Variants in NCOA2 observed in about 807,000 individuals in gnomAD.
NCOA2 encodes the protein nuclear receptor coactivator 2.
Under a neutral mutation model 145.1 loss-of-function variants are expected in NCOA2, and 21 were observed. The observed-to-expected ratio is 0.14, with a 90% CI of 0.10 to 0.21. The LOEUF (loss-of-function observed/expected upper bound fraction) is 0.21. NCOA2 is among the 10% of genes least tolerant of loss of function. NCOA2 has a pLI of 1.00. For synonymous variants in NCOA2, 619 were observed against 637.5 expected (o/e 0.97, Z 0.44); for missense variants, 1,472 against 1,837.6 (o/e 0.80, Z 3.64).
rs1810822772 is a variant in NCOA2, at chr8:70,144,711, G to A, written c.2743C>T (p.Pro915Ser). 1.2e-6 allele frequency: 2 copies of A among 1,613,810 alleles called. No homozygotes were observed. The highest frequency in any genetic ancestry group is 1.6e-4 in the Middle Eastern group (1 of 6,084). Residue 915 changes from proline (P) to serine (S), a missense_variant, in exon 13 of 23, where the codon CCT becomes TCT. Coordinates refer to ENST00000452400, the MANE Select transcript of NCOA2 (RefSeq NM_006540.4). The part of the protein sequence containing the change: ...IRNSSPYSVI[P>S]QPGMMGNQGM... ...TGATTACCCATCATTCCTGGCTGAGGTATCACTGAGTAGGGACTACTGTTT... is the reference window on the plus strand; with the variant it reads ...TGATTACCCATCATTCCTGGCTGAGATATCACTGAGTAGGGACTACTGTTT...
intron 1 of NCOA2, among the ~76,000 whole-genome samples, chr8:70,317,229 G>A (rs1805657241): frequency 6.6e-6 from 1 of 152,168 alleles, no homozygotes; most frequent in Admixed American, 6.5e-5. Flanking sequence ...TTGGTAGGGG[G>A]AAATCACTGG....
intron 4 of NCOA2, among the ~76,000 whole-genome samples, chr8:70,186,017 C>T (rs957554334): frequency 6.6e-6 from 1 of 151,866 alleles, no homozygotes; most frequent in African/African-American, 2.4e-5. Flanking sequence ...TATAGGAATG[C>T]GGCCACCTAA....
At chr8:70,145,584 G>C (rs1001412886) in intron 12 of NCOA2, among the ~76,000 whole-genome samples, 2 of 151,256 alleles carry the variant, frequency 1.3e-5, no homozygotes, top group Non-Finnish European at 2.9e-5. Context: ...GCCTCCCAAA[G>C]TGCTGGGATT....
chr8:70,405,839 C>T (rs1239118147), upstream of NCOA2, among the ~76,000 whole-genome samples: 2 of 152,102 alleles, frequency 1.3e-5, no homozygotes, highest in Non-Finnish European at 2.9e-5. Context: ...ATTGCATTCC[C>T]GTATTACCCA....
At chr8:70,405,682 A>C (rs1814752517), upstream of NCOA2, among the ~76,000 whole-genome samples, 1 of 150,406 alleles carries the variant, frequency 6.6e-6, no homozygotes, top group South Asian at 2.2e-4. Context: ...TAAATAAATA[A>C]ATAAAAATTT....
chr8:70,445,810 T>G, the NCOA2 span, among the ~76,000 whole-genome samples: 2 of 152,352 alleles, frequency 1.3e-5, no homozygotes, highest in East Asian at 3.9e-4. Flanking sequence ...ATCATTTAAC[T>G]ATGCAAGAAG....
chr8:70,189,416 C>G (rs1293809980), intron 4 of NCOA2, among the ~76,000 whole-genome samples: 1 of 152,118 alleles, frequency 6.6e-6, no homozygotes, highest in African/African-American at 2.4e-5. Flanking sequence ...TCAAGATTGT[C>G]CAGTCTCTGA....
chr8:70,313,281 G>T (rs185352425), intron 1 of NCOA2, among the ~76,000 whole-genome samples: 144 of 152,222 alleles, frequency 9.5e-4, no homozygotes, highest in African/African-American at 3.1e-3. Context: ...AAAGGGATTA[G>T]GCATTTCTAA....
chr8:70,141,473 T>G (rs1209422139), intron 13 of NCOA2, 74 bp from the exon 14 acceptor site: 7 of 1,306,028 alleles, frequency 5.4e-6, no homozygotes, highest in Non-Finnish European at 7.6e-6. Flanking sequence ...CACCAGATGA[T>G]CTTACCCTAC....
the NCOA2 span, among the ~76,000 whole-genome samples, chr8:70,434,539 G>C: frequency 6.6e-6 from 1 of 152,162 alleles, no homozygotes; most frequent in African/African-American, 2.4e-5. Flanking sequence ...CTTTAGCGTA[G>C]TGTTTCTCAA....
intron 1 of NCOA2, among the ~76,000 whole-genome samples, chr8:70,331,996 C>T (rs1807150778): frequency 6.6e-6 from 1 of 152,110 alleles, no homozygotes; most frequent in African/African-American, 2.4e-5. Flanking sequence ...GTTACATGCG[C>T]TCCTTTATTA....
intron 2 of NCOA2, among the ~76,000 whole-genome samples, chr8:70,274,671 T>C (rs1298979871): frequency 6.6e-6 from 1 of 152,236 alleles, no homozygotes; most frequent in Non-Finnish European, 1.5e-5. Flanking sequence ...CAAATATTTA[T>C]TCTCATATTT....
chr8:70,157,349 C>G, intron 10 of NCOA2, 109 bp from the exon 11 acceptor site: 2 of 959,140 alleles, frequency 2.1e-6, no homozygotes, highest in Non-Finnish European at 1.5e-6. Flanking sequence ...GAACAGGCTA[C>G]ATTTTAAGGA....
intron 2 of NCOA2, among the ~76,000 whole-genome samples, chr8:70,282,520 T>C (rs1825959114): frequency 6.6e-6 from 1 of 152,046 alleles, no homozygotes; most frequent in Admixed American, 6.6e-5. Flanking sequence ...ACCCCATCTC[T>C]ACCAAAAATA....
intron 1 of NCOA2, among the ~76,000 whole-genome samples, chr8:70,336,637 C>T (rs756097720): frequency 4.0e-5 from 6 of 151,624 alleles, no homozygotes; most frequent in Admixed American, 6.6e-5. Flanking sequence ...AGAGAGAAAA[C>T]GGAGGAAATG....
intron 2 of NCOA2, among the ~76,000 whole-genome samples, chr8:70,293,280 C>T (rs980256886): frequency 6.6e-6 from 1 of 152,102 alleles, no homozygotes; most frequent in Non-Finnish European, 1.5e-5. Context: ...CATATACATC[C>T]AGTTAAATCA....
At chr8:70,393,463 C>CA (rs1813386691) in intron 1 of NCOA2, among the ~76,000 whole-genome samples, 1 of 152,156 alleles carries the variant, frequency 6.6e-6, no homozygotes, top group African/African-American at 2.4e-5. Flanking sequence ...ATCTACCTAC[C>CA]AAAGGCTCCC....
In NCOA2 at chr8:70,148,607, C is replaced by A. The variant is rs531693179; in HGVS notation, c.2395-124G>T. 12 of 766,538 alleles carry A rather than the reference C, an allele frequency of 1.6e-5. No homozygotes were observed. In the African/African-American group the frequency reaches 1.7e-4, roughly 11 times the overall value. 47.5% of individuals were successfully genotyped at this position (766,538 alleles called of 1,614,324 possible). A position where few individuals can be genotyped will look rare whatever the true frequency, so the allele number is the denominator to read the frequency against. ...GCCAAATAAAATAGGTAGATTCCTG[C>A]ATACCACAGGCCTAACAGATAATTG... On this transcript the variant is annotated intron_variant, in intron 11 of 22. Transcript: ENST00000452400.
intron 2 of NCOA2, among the ~76,000 whole-genome samples, chr8:70,285,984 A>AT (rs1166192946): frequency 3.3e-5 from 5 of 152,238 alleles, no homozygotes; most frequent in Non-Finnish European, 7.3e-5. Flanking sequence ...TTCAGCTAAA[A>AT]ATGGGGTAAG....
Sources: allele counts gnomAD v4.1 joint callset (sites outside exome capture counted in the v4.1 genomes callset), GRCh38; gene constraint gnomAD v4.1.1; transcripts MANE v1.5; gene names NCBI Gene and HGNC (gene_info 2026-07-23, HGNC 2026-07-21).